Variants in DLG2 observed in about 807,000 individuals in gnomAD.
The protein encoded by DLG2 is disks large homolog 2.
Under a neutral mutation model 132.5 loss-of-function variants are expected in DLG2, and 45 were observed. The ratio of observed to expected loss-of-function variants is 0.34; its 90% confidence interval spans 0.27 to 0.44. The LOEUF is 0.44. Among genes scored for constraint, DLG2 ranks in the 20% least tolerant of loss-of-function variants. DLG2 has a pLI of 1.00. For missense variants in DLG2, 1,045 were observed against 1,196.9 expected (o/e 0.87, Z 1.87); for synonymous variants, 424 against 419.6 (o/e 1.01, Z -0.13).
chr11:84,511,931 C>G (rs925336901), intron 7 of DLG2, among the ~76,000 whole-genome samples: 2 of 152,036 alleles, frequency 1.3e-5, no homozygotes, highest in Non-Finnish European at 2.9e-5. Flanking sequence ...TCACAACAAC[C>G]CTTTGAGGTA....
At chr11:85,304,351 T>G (rs1377983082) in intron 3 of DLG2, among the ~76,000 whole-genome samples, 2 of 152,066 alleles carry the variant, frequency 1.3e-5, no homozygotes, top group Non-Finnish European at 2.9e-5. Context: ...AACTTCAGAA[T>G]TAATTTAAGA....
intron 19 of DLG2, among the ~76,000 whole-genome samples, chr11:83,590,976 A>C (rs1428690692): frequency 2.8e-4 from 42 of 151,790 alleles, no homozygotes; most frequent in African/African-American, 6.8e-4. Flanking sequence ...CAATAACAGG[A>C]GCTGAAATTG....
chr11:85,150,010 ATT>A (rs962380618), intron 5 of DLG2, among the ~76,000 whole-genome samples: 167 of 112,256 alleles, frequency 1.5e-3, no homozygotes, highest in African/African-American at 6.0e-3. Context: ...TCAGTTTTTA[ATT>A]TTTTTTTTTT....
intron 18 of DLG2, among the ~76,000 whole-genome samples, chr11:83,754,810 G>A (rs1274569290): frequency 6.6e-6 from 1 of 151,542 alleles, no homozygotes. Flanking sequence ...GTTAGTTGGA[G>A]AAACAATATT....
intron 6 of DLG2, among the ~76,000 whole-genome samples, chr11:84,875,678 A>G (rs140138962): frequency 1.3e-3 from 200 of 152,310 alleles, no homozygotes; most frequent in African/African-American, 4.8e-3. Flanking sequence ...TTGCTGTCAT[A>G]TAAGATCTAA....
chr11:85,209,059 CT>C (rs965843213), intron 4 of DLG2, among the ~76,000 whole-genome samples: 14 of 152,216 alleles, frequency 9.2e-5, no homozygotes, highest in African/African-American at 3.4e-4. Context: ...TTGATCTGGA[CT>C]TTAGAACCCA....
intron 7 of DLG2, among the ~76,000 whole-genome samples, chr11:84,292,638 C>T (rs1176706360): frequency 2.6e-5 from 4 of 152,116 alleles, no homozygotes; most frequent in Non-Finnish European, 2.9e-5. Context: ...TATATCTTAT[C>T]TGGGTTTGAC....
intron 8 of DLG2, chr11:84,166,956 C>G (rs767903197): frequency 3.8e-6 from 2 of 532,954 alleles, no homozygotes; most frequent in South Asian, 2.8e-5. Flanking sequence ...ATTTAAGTAC[C>G]TTGGTCATAT....
chr11:84,833,617 G>A (rs1011826546), intron 6 of DLG2, among the ~76,000 whole-genome samples: 9 of 150,964 alleles, frequency 6.0e-5, no homozygotes, highest in Non-Finnish European at 1.2e-4. Flanking sequence ...CATAACAACA[G>A]GGTGATGAAA....
intron 3 of DLG2, among the ~76,000 whole-genome samples, chr11:85,324,861 C>T (rs1377499955): frequency 1.4e-4 from 21 of 150,598 alleles, no homozygotes; most frequent in East Asian, 1.2e-3. Flanking sequence ...TCTGAGGTAC[C>T]GGGTTCATCT....
intron 15 of DLG2, among the ~76,000 whole-genome samples, chr11:83,912,198 T>C (rs2154112720): frequency 6.6e-6 from 1 of 152,150 alleles, no homozygotes; most frequent in East Asian, 1.9e-4. Context: ...ATATGTCAAA[T>C]GGAGACATAT....
chr11:83,765,914 TA>T (rs1171222436), intron 18 of DLG2, among the ~76,000 whole-genome samples: 1 of 152,210 alleles, frequency 6.6e-6, no homozygotes, highest in East Asian at 1.9e-4. Context: ...AGATAATAAA[TA>T]AAAAGTAGAT....
At chr11:83,716,017 A>G (rs1396877478) in intron 18 of DLG2, among the ~76,000 whole-genome samples, 1 of 152,120 alleles carries the variant, frequency 6.6e-6, no homozygotes, top group Non-Finnish European at 1.5e-5. Context: ...GATTGCCCCC[A>G]AACTGGATTC....
intron 6 of DLG2, among the ~76,000 whole-genome samples, chr11:84,589,092 C>T (rs2099536756): frequency 6.6e-6 from 1 of 152,076 alleles, no homozygotes; most frequent in African/African-American, 2.4e-5. Context: ...TCTAGGTATC[C>T]TGACTTTGGA....
chr11:84,595,996 G>T (rs1020338072), intron 6 of DLG2, among the ~76,000 whole-genome samples: 1 of 151,922 alleles, frequency 6.6e-6, no homozygotes, highest in African/African-American at 2.4e-5. Flanking sequence ...TATTAATGTG[G>T]AAAAAATAGG....
At chr11:83,975,990 T>C (rs1410652772) in intron 12 of DLG2, among the ~76,000 whole-genome samples, 1 of 151,922 alleles carries the variant, frequency 6.6e-6, no homozygotes, top group Non-Finnish European at 1.5e-5. Context: ...GCTTTTCTGA[T>C]GCACCAAGCA....
intron 15 of DLG2, among the ~76,000 whole-genome samples, chr11:83,910,457 G>A (rs1366338419): frequency 2.0e-5 from 3 of 152,126 alleles, no homozygotes; most frequent in African/African-American, 4.8e-5. Flanking sequence ...TGGAAGCACC[G>A]TGGAGAACTT....
At chr11:84,751,028 A>C (rs1239105097) in intron 6 of DLG2, among the ~76,000 whole-genome samples, 1 of 152,188 alleles carries the variant, frequency 6.6e-6, no homozygotes, top group Non-Finnish European at 1.5e-5. Context: ...TGGCAGAGAC[A>C]GCATTAGAAA....
chr11:85,498,561 A>G (rs544170810), intron 3 of DLG2, among the ~76,000 whole-genome samples: 1 of 152,212 alleles, frequency 6.6e-6, no homozygotes, highest in South Asian at 2.1e-4. Context: ...ACTTGAACAC[A>G]CCTCTGCACC....
Sources: allele counts gnomAD v4.1 joint callset (sites outside exome capture counted in the v4.1 genomes callset), GRCh38; gene constraint gnomAD v4.1.1; transcripts MANE v1.5; gene names NCBI Gene and HGNC (gene_info 2026-07-23, HGNC 2026-07-21).